The following ADK variants were observed in gnomAD, a reference collection of about 807,000 sequenced individuals.
The protein encoded by ADK is N6,N6-dimethyladenosine kinase.
ADK carries 24 observed loss-of-function variants against 44.7 expected under a neutral mutation model. The observed-to-expected ratio is 0.54, with a 90% CI of 0.39 to 0.76. The LOEUF (loss-of-function observed/expected upper bound fraction) is 0.76, where lower values mean the gene tolerates loss of function less well. Ranked by LOEUF, ADK falls within the 30% of genes least tolerant of loss-of-function variation. The pLI is 0.00. For missense variants in ADK, 321 were observed against 425.1 expected (o/e 0.76, Z 2.15); for synonymous variants, 128 against 142.6 (o/e 0.90, Z 0.73).
intron 3 of ADK, among the ~76,000 whole-genome samples, chr10:74,253,210 C>T (rs527903925): frequency 5.3e-5 from 8 of 152,338 alleles, no homozygotes; most frequent in South Asian, 2.1e-4. Context: ...TGTTATAGCT[C>T]GGTGACTGCT....
chr10:74,368,341 T>C (rs528769490), intron 4 of ADK, among the ~76,000 whole-genome samples: 1 of 152,192 alleles, frequency 6.6e-6, no homozygotes, highest in South Asian at 2.1e-4. Flanking sequence ...ATTTCTGGGC[T>C]CAAACAATCC....
chr10:74,558,140 C>T (rs940861826), intron 7 of ADK, among the ~76,000 whole-genome samples: 1 of 152,184 alleles, frequency 6.6e-6, no homozygotes, highest in Non-Finnish European at 1.5e-5. Context: ...GTTCAGTCTT[C>T]AGTTTCCCTT....
intron 1 of ADK, among the ~76,000 whole-genome samples, chr10:74,183,154 T>C (rs902007965): frequency 6.6e-6 from 1 of 152,170 alleles, no homozygotes; most frequent in African/African-American, 2.4e-5. Context: ...AGGCTGGCTT[T>C]GAACTCCTGA....
chr10:74,177,945 A>ATATATATATTTTT (rs10693309), intron 1 of ADK, among the ~76,000 whole-genome samples: 3 of 108,972 alleles, frequency 2.8e-5, no homozygotes, highest in Admixed American at 1.1e-4. Context: ...ATATATATAT[A>ATATATATATTTTT]TTTTTTTTTT....
Position 74,217,984 on chromosome 10 carries a change from C to T in ADK, c.141-6554C>T, listed in dbSNP as rs895225578. Among the ~76,000 whole-genome samples the T allele has an allele frequency of 7.2e-5, 11 of 152,268 alleles. No individual in the cohort carries two copies. In the East Asian group the frequency reaches 7.7e-4, roughly 11 times the overall value. ...GAGCACCTCTCCTCCTCCAAAGGAT[C>T]GCAGTTCCTCACCAGCAATGGAACA... is the stretch of plus-strand genomic sequence containing the variant. On this transcript the variant is annotated intron_variant, in intron 2 of 10. Coordinates refer to ENST00000539909, the MANE Select transcript of ADK (RefSeq NM_006721.4).
intron 6 of ADK, among the ~76,000 whole-genome samples, chr10:74,461,421 C>T (rs1260890931): frequency 6.6e-6 from 1 of 152,048 alleles, no homozygotes; most frequent in African/African-American, 2.4e-5. Flanking sequence ...ATAGTATTTG[C>T]ATTTCAATTA....
intron 6 of ADK, among the ~76,000 whole-genome samples, chr10:74,416,656 A>G (rs930254462): frequency 1.3e-5 from 2 of 151,484 alleles, no homozygotes; most frequent in Non-Finnish European, 2.9e-5. Flanking sequence ...CACTGCAAAC[A>G]TCTAATTTCT....
chr10:74,706,214 C>T (rs1473107910), intron 10 of ADK, among the ~76,000 whole-genome samples: 5 of 152,004 alleles, frequency 3.3e-5, no homozygotes, highest in African/African-American at 7.3e-5. Context: ...CCCAGAAGGT[C>T]GAGGCTGCAG....
chr10:74,301,893 G>A (rs974765804), intron 3 of ADK, among the ~76,000 whole-genome samples: 9 of 151,930 alleles, frequency 5.9e-5, no homozygotes, highest in Admixed American at 1.3e-4. Context: ...ATTTAGAAAA[G>A]TTAGTTGTCT....
chr10:74,706,145 GC>G (rs1307304628), intron 10 of ADK, among the ~76,000 whole-genome samples: 1 of 152,118 alleles, frequency 6.6e-6, no homozygotes, highest in Admixed American at 6.5e-5. Context: ...ACCAACCTGA[GC>G]ATCTCTACAA....
At chr10:74,491,807 TC>T (rs907087015) in intron 6 of ADK, among the ~76,000 whole-genome samples, 4 of 151,970 alleles carry the variant, frequency 2.6e-5, no homozygotes, top group African/African-American at 7.3e-5. Context: ...TGTGTTGCTT[TC>T]CCCCCCGATA....
chr10:74,480,010 C>G (rs1847006402), intron 6 of ADK, among the ~76,000 whole-genome samples: 1 of 152,010 alleles, frequency 6.6e-6, no homozygotes, highest in Admixed American at 6.6e-5. Context: ...TTGGATGAAG[C>G]TTATCTTCTA....
At chr10:74,644,366 A>C (rs183212017) in intron 9 of ADK, among the ~76,000 whole-genome samples, 37 of 152,356 alleles carry the variant, frequency 2.4e-4, no homozygotes, top group Admixed American at 1.8e-3. Context: ...GGGGCAATGG[A>C]TACGGTGTAC....
chr10:74,193,625 A>T (rs895095113), intron 1 of ADK, among the ~76,000 whole-genome samples: 1 of 152,160 alleles, frequency 6.6e-6, no homozygotes, highest in Non-Finnish European at 1.5e-5. Flanking sequence ...TCTCTATTAA[A>T]AAGAAAAAAA....
chr10:74,316,503 A>T (rs189183514), intron 4 of ADK, among the ~76,000 whole-genome samples: 37 of 152,284 alleles, frequency 2.4e-4, no homozygotes, highest in Admixed American at 5.2e-4. Flanking sequence ...TTCTCACAAG[A>T]TCTGATGGCT....
intron 9 of ADK, among the ~76,000 whole-genome samples, chr10:74,635,544 A>G (rs1366487459): frequency 1.3e-5 from 2 of 152,332 alleles, no homozygotes; most frequent in South Asian, 2.1e-4. Flanking sequence ...GAACCACTCC[A>G]TAAATTAGTA....
At chr10:74,489,529 T>C (rs1025205548) in intron 6 of ADK, among the ~76,000 whole-genome samples, 1 of 151,980 alleles carries the variant, frequency 6.6e-6, no homozygotes, top group Non-Finnish European at 1.5e-5. Flanking sequence ...AATGTTTGCA[T>C]TTCAATTAAA....
At chr10:74,650,034 C>T (rs1427884838) in intron 9 of ADK, among the ~76,000 whole-genome samples, 1 of 152,132 alleles carries the variant, frequency 6.6e-6, no homozygotes, top group African/African-American at 2.4e-5. Flanking sequence ...TGTGAACTTT[C>T]CCCTCAGATC....
chr10:74,216,461 G>A (rs1299862188), intron 2 of ADK, among the ~76,000 whole-genome samples: 6 of 151,926 alleles, frequency 3.9e-5, no homozygotes, highest in African/African-American at 7.3e-5. Flanking sequence ...GCAGTGGCTC[G>A]CACCTGTAAT....
Sources: gnomAD v4.1 joint callset for allele counts (sites outside exome capture counted in the v4.1 genomes callset) on GRCh38, gnomAD v4.1.1 for gene constraint, MANE v1.5 for transcripts, NCBI Gene and HGNC (gene_info 2026-07-23, HGNC 2026-07-21) for gene names.